Variants in CZIB observed in about 807,000 individuals in gnomAD.
CZIB encodes the protein CXXC motif containing zinc binding protein, also known as UPF0587 protein C1orf123.
Under a neutral mutation model 28.3 loss-of-function variants are expected in CZIB, and 26 were observed. That is an observed-to-expected ratio of 0.92 (90% confidence interval 0.67 to 1.27). CZIB has a LOEUF of 1.27. Among genes scored for constraint, CZIB ranks in the 50% most tolerant of loss-of-function variants. CZIB has a pLI of 0.00. For synonymous variants in CZIB, 78 were observed against 71.1 expected, an observed-to-expected ratio of 1.10 and a Z score of -0.49; for missense variants, 179 against 197.3, an observed-to-expected ratio of 0.91 and a Z score of 0.56.
Position 53,214,384 on chromosome 1 carries a change from C to G in CZIB, c.*275G>C, listed in dbSNP as rs1048595305. 50 of 393,888 alleles carry G rather than the reference C, an allele frequency of 1.3e-4. No individual in the cohort carries two copies. The highest frequency in any genetic ancestry group is 9.6e-4 in the African/African-American group (48 of 50,188). The allele number at this position is 393,888 out of a possible 1,614,324, so 24.4% of individuals were successfully genotyped here. A position where few individuals can be genotyped will look rare whatever the true frequency, so the allele number is the denominator to read the frequency against. On this transcript the variant is annotated 3_prime_UTR_variant, in exon 8 of 8. Transcript: ENST00000294360. ...GAGATACCATCTCCTTAAAAATACTCTTCATTTTCCTAAGGAGTGAACTGC... is the reference window on the plus strand; with the variant it reads ...GAGATACCATCTCCTTAAAAATACTGTTCATTTTCCTAAGGAGTGAACTGC...
chr1:53,218,892 T>C lies in CZIB; in HGVS notation c.122A>G (p.Asp41Gly), dbSNP rs760485840. 3 of 1,613,898 alleles carry C rather than the reference T, an allele frequency of 1.9e-6. No homozygotes were observed. In the South Asian group the frequency reaches 3.3e-5, roughly 18 times the overall value. ...MKCGNCGEIS[D>G]KWQYIRLMDS... ...CATCAGCCGGATGTACTGCCACTTG[T>C]CCGAAATCTCACCACAGTTGCCACA... The change falls in exon 3 of 8, where the codon GAC becomes GGC. Residue 41 changes from aspartate to glycine, a missense_variant. Asp to Gly is a moderately conservative substitution (Grantham distance 94). Transcript: ENST00000294360.
chr1:53,214,880 C>T (rs545640444), intron 7 of CZIB, 144 bp from the exon 8 acceptor site: 70 of 597,634 alleles, frequency 1.2e-4, no homozygotes, highest in Admixed American at 8.7e-4. Flanking sequence ...CCAGATAGCT[C>T]AGGCCTGAAT....
At chr1:53,219,452 A>T (rs1645503809) in intron 2 of CZIB, 1 of 156,098 alleles carries the variant, frequency 6.4e-6, no homozygotes, top group African/African-American at 2.4e-5. Flanking sequence ...ATACCCCATA[A>T]ATATGTACAA....
At position 53,220,294 on chromosome 1, in the gene CZIB, C is replaced by T. The variant is rs768856135; in HGVS notation, c.57G>A (p.Arg19=). Residue 19 remains arginine (R), a synonymous_variant, in exon 2 of 8, where the codon CGG becomes CGA. Coordinates refer to ENST00000294360, the MANE Select transcript of CZIB (RefSeq NM_017887.3). Reference sequence around the variant, plus strand: ...ACCACCGGAAGTCCTCGCCCACGGGCCGGAGGTTGGTGATGTTCTCCAGCG... The same window carrying T: ...ACCACCGGAAGTCCTCGCCCACGGGTCGGAGGTTGGTGATGTTCTCCAGCG... ...KATLENITNL[R]PVGEDFRWYL... is the part of the protein sequence containing the mutation. 1.2e-6 allele frequency: 2 copies of T among 1,613,516 alleles called. No individual in the cohort carries two copies. The highest frequency in any genetic ancestry group is 1.3e-5 in the African/African-American group (1 of 74,932).
intron 7 of CZIB, among the ~76,000 whole-genome samples, chr1:53,215,680 GT>G (rs1350291490): frequency 6.6e-6 from 1 of 152,124 alleles, no homozygotes; most frequent in Non-Finnish European, 1.5e-5. Context: ...AGCTTTATGT[GT>G]TTCTGTTTAA....
At chr1:53,219,959 G>T in intron 2 of CZIB, 1 of 364,246 alleles carries the variant, frequency 2.7e-6, no homozygotes, top group Non-Finnish European at 5.0e-6. Context: ...AACGAAAGGC[G>T]AACTATTCAC....
intron 2 of CZIB, chr1:53,220,040 T>A (rs947160467): frequency 2.1e-5 from 11 of 535,958 alleles, no homozygotes; most frequent in Non-Finnish European, 3.6e-5. Flanking sequence ...CCACGAAATA[T>A]TTAACACAGG....
chr1:53,215,065 C>T (rs982073094), intron 7 of CZIB, among the ~76,000 whole-genome samples: 1 of 152,168 alleles, frequency 6.6e-6, no homozygotes, highest in Non-Finnish European at 1.5e-5. Context: ...AGCAGCCGGG[C>T]GTGGTGGCTC....
chr1:53,217,136 C>G (rs1367868542), intron 5 of CZIB: 3 of 375,672 alleles, frequency 8.0e-6, no homozygotes, highest in African/African-American at 6.1e-5. Flanking sequence ...CCCTCTGGGC[C>G]CAAGATTCCT....
Position 53,220,599 on chromosome 1 carries a change from G to A in CZIB, c.-24C>T. ...ATGGTAGCCCTCTCCGCCCGGTGCT[G>A]GCTGCGGCCCTTGCCGTTGCTTTCC... On this transcript the variant is annotated 5_prime_UTR_variant, in exon 1 of 8. Coordinates refer to ENST00000294360, the MANE Select transcript of CZIB (RefSeq NM_017887.3). 3 of 1,596,096 alleles carry A rather than the reference G, an allele frequency of 1.9e-6. No individual in the cohort carries two copies. The highest frequency in any genetic ancestry group is 2.5e-6 in the Non-Finnish European group (3 of 1,178,376).
At chr1:53,216,113 A>C (rs1645471331) in intron 6 of CZIB, 57 bp from the exon 7 acceptor site, 3 of 1,558,864 alleles carry the variant, frequency 1.9e-6, no homozygotes, top group Non-Finnish European at 2.7e-6. Context: ...TTGGGCTATA[A>C]GTAAGGGCCG....
chr1:53,215,213 G>A (rs902211447), intron 7 of CZIB, among the ~76,000 whole-genome samples: 3 of 152,258 alleles, frequency 2.0e-5, no homozygotes, highest in Middle Eastern at 3.4e-3. Flanking sequence ...GGTGGCAGGC[G>A]CCTGTAATCC....
intron 6 of CZIB, 65 bp from the exon 7 acceptor site, chr1:53,216,121 C>T: frequency 6.7e-7 from 1 of 1,495,828 alleles, no homozygotes. Flanking sequence ...TAAGTAAGGG[C>T]CGGCCAGGCT....
chr1:53,217,951 G>A (rs1645484065), intron 5 of CZIB: 1 of 566,628 alleles, frequency 1.8e-6, no homozygotes, highest in Non-Finnish European at 3.2e-6. Flanking sequence ...GAGGTCCCCT[G>A]AGCTCTCACA....
intron 2 of CZIB, chr1:53,219,169 C>A: frequency 2.0e-6 from 1 of 497,532 alleles, no homozygotes; most frequent in Non-Finnish European, 3.6e-6. Flanking sequence ...GCCGGGGATT[C>A]AAGGCACCTG....
chr1:53,219,207 G>GA (rs1299551317), intron 2 of CZIB: 1 of 414,594 alleles, frequency 2.4e-6, no homozygotes, highest in East Asian at 5.6e-5. Flanking sequence ...CAGCGGAGGT[G>GA]AGGGGGGGGA....
intron 5 of CZIB, 186 bp downstream of exon 5, chr1:53,217,986 G>A (rs1645484291): frequency 1.5e-6 from 1 of 657,084 alleles, no homozygotes; most frequent in East Asian, 2.8e-5. Context: ...AGAAGGCACT[G>A]CAAGAGGCAA....
intron 7 of CZIB, among the ~76,000 whole-genome samples, chr1:53,215,259 G>A (rs1043104391): frequency 2.6e-5 from 4 of 152,222 alleles, no homozygotes; most frequent in African/African-American, 9.6e-5. Context: ...AGGATCACTT[G>A]AGCCCAGGAG....
chr1:53,216,717 T>G lies in CZIB; in HGVS notation c.339+65A>C, dbSNP rs1044568202. 1.1e-5 allele frequency: 16 copies of G among 1,414,554 alleles called. No homozygotes were observed. In the African/African-American group the frequency reaches 2.1e-4, roughly 19 times the overall value. 87.6% of individuals were successfully genotyped at this position (1,414,554 alleles called of 1,614,324 possible). A position where few individuals can be genotyped will look rare whatever the true frequency, so the allele number is the denominator to read the frequency against. On this transcript the variant is annotated intron_variant, in intron 6 of 7. Transcript: ENST00000294360. ...CCATGGTATCTGTAGGTAGCACAGT[T>G]CTGGCTGTCACTTCATACATCCCCT...
Sources: allele counts gnomAD v4.1 joint callset (sites outside exome capture counted in the v4.1 genomes callset), GRCh38; gene constraint gnomAD v4.1.1; transcripts MANE v1.5; gene names NCBI Gene and HGNC (gene_info 2026-07-23, HGNC 2026-07-21).